Variants in ARHGAP9 observed in about 807,000 individuals in gnomAD.
The protein encoded by ARHGAP9 is Rho GTPase activating protein 9.
Under a neutral mutation model 87.3 loss-of-function variants are expected in ARHGAP9, and 76 were observed. That is an observed-to-expected ratio of 0.87 (90% CI 0.72 to 1.05). The LOEUF (loss-of-function observed/expected upper bound fraction) is 1.05. Among genes scored for constraint, ARHGAP9 ranks in the 50% least tolerant of loss-of-function variants. ARHGAP9 has a pLI of 0.00. For missense variants in ARHGAP9, 941 were observed against 960.5 expected (o/e 0.98, Z 0.27); for synonymous variants, 382 against 394.9 (o/e 0.97, Z 0.39).
In ARHGAP9 at chr12:57,472,632, AAC is replaced by A. The variant is rs759001298; in HGVS notation, c.2079_2080del (p.Phe694TrpfsTer13). On this transcript the variant is annotated frameshift_variant, in exon 18 of 18. Transcript: ENST00000393791. LOFTEE classifies it high-confidence loss of function. ...CTCTGGCCGAAACAGGGTTGGTCCA[AAC>A]ACAATTCCCAGGTTGTGGGGTGTCA... The A allele has an allele frequency of 5.6e-6, 9 of 1,614,106 alleles. No individual in the cohort carries two copies. The highest frequency in any genetic ancestry group is 7.6e-6 in the Non-Finnish European group (9 of 1,180,048).
chr12:57,486,889 G>GAA lies in ARHGAP9; in HGVS notation c.-204+1721_-204+1722dup, dbSNP rs71084758. Among the ~76,000 whole-genome samples, 288 of 139,060 alleles carry GAA rather than the reference G, an allele frequency of 2.1e-3. 3 individuals carry two copies. The highest frequency in any genetic ancestry group is 0.01 in the East Asian group (48 of 4,628). The allele number at this position is 139,060 out of a possible 152,430, so 91.2% of individuals were successfully genotyped here. On this transcript the variant is annotated intron_variant, in intron 1 of 20. Coordinates refer to the ARHGAP9 transcript ENST00000393797. ...GGGCAGAGCAAGACTCCGTCTCAAA[G>GAA]AAAAAAAAAAAAAAGAGATGCTCTT...
At chr12:57,477,306 A>T in intron 4 of ARHGAP9, 37 bp from the exon 5 acceptor site, 1 of 1,529,004 alleles carries the variant, frequency 6.5e-7, no homozygotes, top group Non-Finnish European at 8.8e-7. Flanking sequence ...CTACATCCAG[A>T]TGCCACCTCT....
chr12:57,479,594 G>A, intron 1 of ARHGAP9, 136 bp downstream of exon 1: 1 of 1,529,634 alleles, frequency 6.5e-7, no homozygotes, highest in African/African-American at 1.4e-5. Flanking sequence ...AGGTTTTGGG[G>A]GCTGAGAACT....
upstream of ARHGAP9, chr12:57,480,842 G>T: frequency 1.3e-6 from 2 of 1,550,328 alleles, no homozygotes; most frequent in Non-Finnish European, 1.7e-6. Flanking sequence ...TTTCTGTTTG[G>T]GTTTGGAGAG....
upstream of ARHGAP9, chr12:57,479,948 G>A: frequency 7.1e-7 from 1 of 1,412,366 alleles, no homozygotes; most frequent in Non-Finnish European, 9.2e-7. Flanking sequence ...GACCATAGCT[G>A]CGTGCTTCCT....
chr12:57,478,941 G>A (rs1189831473), intron 2 of ARHGAP9, 150 bp downstream of exon 2: 26 of 1,179,984 alleles, frequency 2.2e-5, no homozygotes, highest in South Asian at 1.0e-4. Context: ...CATGGCGGGG[G>A]CAAGAGGTAG....
chr12:57,483,398 T>C (rs1249176533), upstream of ARHGAP9, among the ~76,000 whole-genome samples: 3 of 152,162 alleles, frequency 2.0e-5, no homozygotes, highest in Non-Finnish European at 4.4e-5. Flanking sequence ...TCTCATTGCA[T>C]ATAGTTCTCA....
intron 10 of ARHGAP9, 56 bp downstream of exon 10, chr12:57,475,777 C>G (rs1233715446): frequency 1.3e-6 from 2 of 1,594,770 alleles, no homozygotes; most frequent in Non-Finnish European, 1.7e-6. Context: ...CGTTCCTACC[C>G]CACTCCCTTG....
intron 3 of ARHGAP9, 62 bp downstream of exon 3, chr12:57,478,478 G>T (rs1290021775): frequency 1.0e-5 from 16 of 1,536,852 alleles, no homozygotes; most frequent in Non-Finnish European, 1.2e-5. Flanking sequence ...GTCCCCTGAA[G>T]ACAGAGGTGC....
chr12:57,476,506 G>A, intron 7 of ARHGAP9, 52 bp from the exon 8 acceptor site: 1 of 1,612,514 alleles, frequency 6.2e-7, no homozygotes, highest in Non-Finnish European at 8.5e-7. Flanking sequence ...ATTCTAGAAT[G>A]ACACGAGGAG....
At chr12:57,488,494 A>G in intron 1 of ARHGAP9, 1 of 1,398,444 alleles carries the variant, frequency 7.2e-7, no homozygotes. Flanking sequence ...TCCTACACCT[A>G]TCAGGCATCC....
In ARHGAP9 at chr12:57,472,611, G is replaced by T; in HGVS notation, c.2102C>A (p.Pro701Gln). Residue 701 changes from proline to glutamine, a missense_variant, in exon 18 of 18, where the codon CCA becomes CAA. By Grantham distance (76) the Pro-to-Gln change is moderately conservative. Transcript: ENST00000393791. ...TGCTGGGTCAGATGTCTCCTGCTCT[G>T]GCCGAAACAGGGTTGGTCCAAACAC... Reference protein sequence around the residue: ...GIVFGPTLFRPEQETSDPAAH... With the variant: ...GIVFGPTLFRQEQETSDPAAH... 1 of 1,614,220 alleles carries T rather than the reference G, an allele frequency of 6.2e-7. No homozygotes were observed. Among genetic ancestry groups the T allele is most frequent in the Non-Finnish European group, 8.5e-7 (1 of 1,180,044 alleles).
In ARHGAP9 at chr12:57,488,103, G is replaced by A. The variant is rs587777227; in HGVS notation, c.-204+509C>T. On this transcript the variant is annotated intron_variant, in intron 1 of 20. Coordinates refer to the ARHGAP9 transcript ENST00000393797. ...GATTCACGGCGAAATGAGACTGTTC[G>A]TGAGTGATGGCGTCCCGGGTTGCTT... The A allele has an allele frequency of 3.7e-6, 6 of 1,614,166 alleles. No individual in the cohort carries two copies. Among genetic ancestry groups the A allele is most frequent in the Middle Eastern group, 3.3e-4 (2 of 6,058 alleles).
chr12:57,487,247 A>AT (rs1875490168), intron 1 of ARHGAP9: 1 of 151,844 alleles, frequency 6.6e-6, no homozygotes, highest in African/African-American at 2.4e-5. Flanking sequence ...AAAGTGCTGG[A>AT]TTACATGCAT....
At chr12:57,485,640 A>G (rs1875345739) in intron 1 of ARHGAP9, among the ~76,000 whole-genome samples, 1 of 151,622 alleles carries the variant, frequency 6.6e-6, no homozygotes, top group Non-Finnish European at 1.5e-5. Flanking sequence ...CCAGCTGCCC[A>G]AAGCACAGGG....
chr12:57,480,827 G>A, upstream of ARHGAP9: 2 of 1,550,520 alleles, frequency 1.3e-6, no homozygotes, highest in Non-Finnish European at 1.7e-6. Flanking sequence ...TGCACAATGT[G>A]AGGCTTTCTG....
At position 57,475,917 on chromosome 12, in the gene ARHGAP9, A is replaced by G; in HGVS notation, c.1227T>C (p.Pro409=). 1 of 1,613,472 alleles carries G rather than the reference A, an allele frequency of 6.2e-7. No homozygotes were observed. The part of the protein sequence containing the change: ...RRNVLHIRTI[P]GHEFLLQSDH... ...CCGACTGCAGCAGGAACTCGTGGCC[A>G]GGGATCGTGCGGATCTGAGGGCCAG... The change falls in exon 10 of 18, where the codon CCT becomes CCC. Residue 409 remains proline, a synonymous_variant. Transcript: ENST00000393791.
intron 3 of ARHGAP9, 148 bp from the exon 4 acceptor site, chr12:57,477,828 C>T: frequency 6.7e-7 from 1 of 1,485,292 alleles, no homozygotes; most frequent in East Asian, 2.5e-5. Context: ...GGGGGAGAAA[C>T]CTCAGGCCCC....
At chr12:57,488,050 G>C in intron 1 of ARHGAP9, 1 of 1,564,598 alleles carries the variant, frequency 6.4e-7, no homozygotes, top group African/African-American at 1.3e-5. Context: ...TCAGAAGCGG[G>C]AGGCCGGTTC....
Sources: gnomAD v4.1 joint callset for allele counts (sites outside exome capture counted in the v4.1 genomes callset) on GRCh38, gnomAD v4.1.1 for gene constraint, MANE v1.5 for transcripts, NCBI Gene and HGNC (gene_info 2026-07-23, HGNC 2026-07-21) for gene names.